ABTB3: variants seen among roughly 807,000 people sequenced by gnomAD.
The protein encoded by ABTB3 is ankyrin repeat- and BTB/POZ domain-containing protein 3.
At chr12:107,545,947 TG>T in the ABTB3 span, among the ~76,000 whole-genome samples, 1 of 152,178 alleles carries the variant, frequency 6.6e-6, no homozygotes, top group Admixed American at 6.5e-5. Context: ...GTCTCCCCGC[TG>T]CAGCTAGACA....
chr12:107,494,320 G>A, the ABTB3 span, among the ~76,000 whole-genome samples: 6 of 152,140 alleles, frequency 3.9e-5, no homozygotes, highest in African/African-American at 9.7e-5. Context: ...CCCCACCCAC[G>A]GTAAAAGGGG....
the ABTB3 span, among the ~76,000 whole-genome samples, chr12:107,373,945 C>T: frequency 1.3e-5 from 2 of 152,184 alleles, no homozygotes; most frequent in South Asian, 2.1e-4. Flanking sequence ...GCAGACAGCT[C>T]GGGACACGTT....
the ABTB3 span, among the ~76,000 whole-genome samples, chr12:107,433,122 A>G: frequency 6.6e-6 from 1 of 150,862 alleles, no homozygotes; most frequent in African/African-American, 2.4e-5. Flanking sequence ...CGTCTCTACT[A>G]AAAATACAAA....
chr12:107,431,050 CAT>C, the ABTB3 span, among the ~76,000 whole-genome samples: 1 of 152,208 alleles, frequency 6.6e-6, no homozygotes, highest in Admixed American at 6.5e-5. Flanking sequence ...AGAACAGGCA[CAT>C]GTTTGTGCTT....
chr12:107,568,067 T>C, the ABTB3 span, among the ~76,000 whole-genome samples: 80,369 of 152,034 alleles, frequency 0.53, 21,511 homozygotes, highest in East Asian at 0.62. Flanking sequence ...TATCTTAGTG[T>C]TCAGTGACTC....
chr12:107,525,796 G>C, the ABTB3 span, among the ~76,000 whole-genome samples: 2 of 152,158 alleles, frequency 1.3e-5, no homozygotes, highest in African/African-American at 2.4e-5. Flanking sequence ...TGTCCAGTCT[G>C]TTATGGCTTG....
the ABTB3 span, among the ~76,000 whole-genome samples, chr12:107,575,434 T>C: frequency 6.6e-6 from 1 of 152,164 alleles, no homozygotes; most frequent in Non-Finnish European, 1.5e-5. Flanking sequence ...CCAATAACCC[T>C]GTTTATTTGT....
the ABTB3 span, among the ~76,000 whole-genome samples, chr12:107,480,923 G>A: frequency 3.3e-5 from 5 of 152,306 alleles, no homozygotes; most frequent in South Asian, 6.2e-4. Flanking sequence ...TTGATTGATA[G>A]AGTTCAGTGG....
the ABTB3 span, among the ~76,000 whole-genome samples, chr12:107,534,463 A>C: frequency 6.6e-6 from 1 of 152,136 alleles, no homozygotes; most frequent in Admixed American, 6.5e-5. Context: ...GCAGAAATAA[A>C]TGAAATAGAG....
chr12:107,635,056 C>A, the ABTB3 span: 10 of 379,988 alleles, frequency 2.6e-5, no homozygotes, highest in Admixed American at 2.2e-4. Flanking sequence ...AGAAGAATTT[C>A]TTAAGCTTCA....
chr12:107,482,001 T>A, the ABTB3 span, among the ~76,000 whole-genome samples: 62 of 151,186 alleles, frequency 4.1e-4, no homozygotes, highest in African/African-American at 1.5e-3. Context: ...CCATCCCTGA[T>A]CCAGCCCCTG....
the ABTB3 span, among the ~76,000 whole-genome samples, chr12:107,548,562 T>C: frequency 2.6e-5 from 4 of 152,228 alleles, no homozygotes; most frequent in Non-Finnish European, 5.9e-5. Context: ...TTAGTGCCAG[T>C]GTGAGATTTC....
the ABTB3 span, among the ~76,000 whole-genome samples, chr12:107,532,574 A>C: frequency 6.6e-6 from 1 of 152,240 alleles, no homozygotes; most frequent in Non-Finnish European, 1.5e-5. Flanking sequence ...TAAAATTAGA[A>C]AAAGCACCTG....
the ABTB3 span, chr12:107,651,793 C>T: frequency 6.2e-7 from 1 of 1,609,752 alleles, no homozygotes; most frequent in South Asian, 1.1e-5. Flanking sequence ...CCAAGGTAAT[C>T]AATCTCATTC....
At chr12:107,382,233 C>T in the ABTB3 span, among the ~76,000 whole-genome samples, 350 of 152,198 alleles carry the variant, frequency 2.3e-3, 3 homozygotes, top group Non-Finnish European at 3.8e-3. Context: ...TGGATGCTTT[C>T]GAAGGCCTGC....
chr12:107,409,905 A>G, the ABTB3 span, among the ~76,000 whole-genome samples: 1 of 152,214 alleles, frequency 6.6e-6, no homozygotes, highest in Non-Finnish European at 1.5e-5. Flanking sequence ...AAAAGAAAAG[A>G]AAATACAGGG....
the ABTB3 span, chr12:107,319,458 G>A: frequency 6.2e-7 from 1 of 1,606,834 alleles, no homozygotes; most frequent in Admixed American, 1.7e-5. Flanking sequence ...CTGTCCTGGG[G>A]CCTGGCCGCG....
At chr12:107,520,406 A>G in the ABTB3 span, 3 of 1,537,198 alleles carry the variant, frequency 2.0e-6, no homozygotes, top group Non-Finnish European at 2.6e-6. Context: ...GAGGTTGTGC[A>G]AGATGTTGCA....
At chr12:107,639,312 C>T in the ABTB3 span, among the ~76,000 whole-genome samples, 2 of 152,152 alleles carry the variant, frequency 1.3e-5, no homozygotes, top group African/African-American at 4.8e-5. Flanking sequence ...ATCCTGGGAG[C>T]AATGGGGAGC....
Sources: gnomAD v4.1 joint callset for allele counts (sites outside exome capture counted in the v4.1 genomes callset) on GRCh38, gnomAD v4.1.1 for gene constraint, MANE v1.5 for transcripts, NCBI Gene and HGNC (gene_info 2026-07-23, HGNC 2026-07-21) for gene names.